The following BOC variants were observed in gnomAD, a reference collection of about 807,000 sequenced individuals.
The protein encoded by BOC is brother of CDO.
In BOC, 76 loss-of-function variants were observed where a neutral mutation model predicts 112.0. The ratio of observed to expected loss-of-function variants is 0.68; its 90% CI spans 0.56 to 0.82. The LOEUF (loss-of-function observed/expected upper bound fraction) is 0.82, where lower values mean the gene tolerates loss of function less well. BOC is among the 40% of genes least tolerant of loss of function. The pLI is 0.00. For missense variants in BOC, 1,309 were observed against 1,511.7 expected (o/e 0.87, Z 2.22); for synonymous variants, 580 against 599.8 (o/e 0.97, Z 0.48).
intron 12 of BOC, 50 bp from the exon 13 acceptor site, chr3:113,279,774 T>G (rs2107715217): frequency 6.5e-7 from 1 of 1,538,270 alleles, no homozygotes; most frequent in East Asian, 2.3e-5. Context: ...CATGGGAGAA[T>G]CAGAAGGTAT....
At position 113,285,414 on chromosome 3, in the gene BOC, A is replaced by G. The variant is rs765981717; in HGVS notation, c.3009A>G (p.Thr1003=). Residue 1003 remains threonine, a synonymous_variant, in exon 19 of 20, where the codon ACA becomes ACG. Transcript: ENST00000682979. ...CGGACGAGGGCTCTTTCTTATACAC[A>G]CTGCCCGACGACTCCACTCACCAGC... ...SSPDEGSFLY[T]LPDDSTHQLL... The G allele has an allele frequency of 2.5e-6, 4 of 1,613,528 alleles. No individual in the cohort carries two copies. The highest frequency in any genetic ancestry group is 2.5e-6 in the Non-Finnish European group (3 of 1,179,824).
intron 4 of BOC, chr3:113,261,828 C>T (rs1432879003): frequency 6.6e-6 from 1 of 152,138 alleles, no homozygotes; most frequent in Non-Finnish European, 1.5e-5. Context: ...TGATTTTCAG[C>T]CCTCATCCCC....
chr3:113,235,707 T>A (rs1168348440), intron 2 of BOC, among the ~76,000 whole-genome samples: 1 of 152,204 alleles, frequency 6.6e-6, no homozygotes, highest in Non-Finnish European at 1.5e-5. Context: ...TTGGGAACAC[T>A]AGAGCATTCT....
At chr3:113,240,147 G>T (rs1944097148) in intron 2 of BOC, among the ~76,000 whole-genome samples, 1 of 152,222 alleles carries the variant, frequency 6.6e-6, no homozygotes, top group Non-Finnish European at 1.5e-5. Flanking sequence ...CTGCAAAATT[G>T]TTGGGATATA....
chr3:113,256,468 C>T (rs1946235982), intron 4 of BOC, among the ~76,000 whole-genome samples: 2 of 152,220 alleles, frequency 1.3e-5, no homozygotes, highest in Non-Finnish European at 2.9e-5. Flanking sequence ...GCTGCCCACT[C>T]AACTGCTGCC....
chr3:113,236,405 A>G (rs1273003587), intron 2 of BOC, among the ~76,000 whole-genome samples: 1 of 146,788 alleles, frequency 6.8e-6, no homozygotes, highest in Non-Finnish European at 1.5e-5. Context: ...TAAGCAAAGT[A>G]ACTCAGAAAC....
chr3:113,223,894 T>A (rs1026069672), intron 2 of BOC, among the ~76,000 whole-genome samples: 1 of 152,244 alleles, frequency 6.6e-6, no homozygotes, highest in African/African-American at 2.4e-5. Context: ...GGTCCCTTTA[T>A]CAGCTTCCAC....
chr3:113,248,509 A>G (rs1945215566), intron 2 of BOC, among the ~76,000 whole-genome samples: 1 of 152,228 alleles, frequency 6.6e-6, no homozygotes, highest in Non-Finnish European at 1.5e-5. Context: ...CAGGTGAATG[A>G]TCCACCGTGC....
intron 15 of BOC, 124 bp from the exon 16 acceptor site, chr3:113,283,287 G>T (rs182838026): frequency 3.1e-4 from 294 of 935,994 alleles, no homozygotes; most frequent in Admixed American, 4.4e-4. Flanking sequence ...AGATTTTGAG[G>T]CCCAATCTAG....
At chr3:113,257,235 T>C (rs1946326014) in intron 4 of BOC, among the ~76,000 whole-genome samples, 2 of 152,212 alleles carry the variant, frequency 1.3e-5, no homozygotes, top group African/African-American at 4.8e-5. Flanking sequence ...CAATGGTTAT[T>C]CCTTAACCTT....
Position 113,286,631 on chromosome 3 carries a change from C to T in BOC, c.3161-44C>T, listed in dbSNP as rs867521692. The stretch of plus-strand genomic sequence containing the variant: ...CCAGTGTCACTGGGTGTTGGCTCCT[C>T]GGTCAATCTGGATTTTAATGGTTCC... On this transcript the variant is annotated intron_variant, in intron 19 of 19. Transcript: ENST00000682979. 2.1e-5 allele frequency: 30 copies of T among 1,463,180 alleles called. No homozygotes were observed. The Middle Eastern group carries it at 9.2e-4, about 45-fold the overall frequency. 90.6% of individuals were successfully genotyped at this position (1,463,180 alleles called of 1,614,324 possible). A position where few individuals can be genotyped will look rare whatever the true frequency, so the allele number is the denominator to read the frequency against.
intron 2 of BOC, among the ~76,000 whole-genome samples, chr3:113,236,201 G>GGT (rs1180463408): frequency 1.7e-4 from 18 of 108,788 alleles, no homozygotes; most frequent in African/African-American, 4.8e-4. Context: ...AAGAAAATAT[G>GGT]GTATATATAT....
intron 2 of BOC, 160 bp downstream of exon 2, chr3:113,216,434 C>T (rs1019672320): frequency 1.7e-4 from 62 of 365,854 alleles, no homozygotes; most frequent in African/African-American, 4.9e-4. Flanking sequence ...AGTTCTAGCT[C>T]GGTTCATATG....
At chr3:113,216,658 T>C (rs1939443409) in intron 2 of BOC, among the ~76,000 whole-genome samples, 1 of 152,212 alleles carries the variant, frequency 6.6e-6, no homozygotes, top group African/African-American at 2.4e-5. Flanking sequence ...TACTGGGCAA[T>C]GTTTATCTCA....
Position 113,278,124 on chromosome 3 carries a change from C to A in BOC, c.1572C>A (p.Thr524=). Residue 524 remains threonine, a synonymous_variant, in exon 10 of 20, where the codon ACC becomes ACA. Coordinates refer to ENST00000682979, the MANE Select transcript of BOC (RefSeq NM_001378074.1). The surrounding 1 kb of genome is among the most constrained non-coding windows in gnomAD (Gnocchi z 4.2). ...KQVTNSSDDW[T]ISGIPANQHR... ...TCACAAATTCCTCTGACGATTGGAC[C>A]ATCTCTGGCATTCCAGCCAACCAGC... 1 of 1,614,222 alleles carries A rather than the reference C, an allele frequency of 6.2e-7. No individual in the cohort carries two copies. Among genetic ancestry groups the A allele is most frequent in the Non-Finnish European group, 8.5e-7 (1 of 1,180,050 alleles).
At position 113,283,594 on chromosome 3, in the gene BOC, T is replaced by G. The variant is rs777106197; in HGVS notation, c.2618T>G (p.Phe873Cys). The G allele has an allele frequency of 1.9e-6, 3 of 1,613,708 alleles. No homozygotes were observed. Among genetic ancestry groups the G allele is most frequent in the Non-Finnish European group, 2.5e-6 (3 of 1,179,920 alleles). The part of the protein sequence containing the change: ...LGSIVLIIVT[F>C]IPFCLWRAWS... The stretch of plus-strand genomic sequence containing the variant: ...TCCATCGTTCTCATCATCGTCACCT[T>G]CATCCCCTTCTGCTTGTGGAGGGCC... Residue 873 changes from phenylalanine (F) to cysteine (C), a missense_variant, in exon 16 of 20, where the codon TTC becomes TGC. Transcript: ENST00000682979.
chr3:113,269,162 C>T (rs1307109746), intron 5 of BOC, among the ~76,000 whole-genome samples: 1 of 152,210 alleles, frequency 6.6e-6, no homozygotes, highest in Non-Finnish European at 1.5e-5. Flanking sequence ...TGGAGCTCTT[C>T]CCCATGCAGC....
intron 2 of BOC, among the ~76,000 whole-genome samples, chr3:113,230,568 G>A (rs1463840413): frequency 3.3e-5 from 5 of 152,130 alleles, no homozygotes; most frequent in East Asian, 1.9e-4. Flanking sequence ...GAATACTACC[G>A]ACCTCATATA....
chr3:113,279,021 G>A, intron 11 of BOC: 2 of 640,874 alleles, frequency 3.1e-6, no homozygotes, highest in Admixed American at 5.8e-5. Context: ...TGGTCCTTGG[G>A]CCTCCACACT....
Sources: gnomAD v4.1 joint callset for allele counts (sites outside exome capture counted in the v4.1 genomes callset) on GRCh38, gnomAD v4.1.1 for gene constraint, Gnocchi (gnomAD v3.1) non-coding constraint, MANE v1.5 for transcripts, NCBI Gene and HGNC (gene_info 2026-07-23, HGNC 2026-07-21) for gene names.